The following CPED1 variants were observed in gnomAD, a reference collection of about 807,000 sequenced individuals.
The protein encoded by CPED1 is cadherin like and PC-esterase domain containing 1, also known as cadherin-like and PC-esterase domain-containing protein 1.
A neutral mutation model predicts 128.2 loss-of-function variants in CPED1; 114 were observed. That is an observed-to-expected ratio of 0.89 (90% confidence interval 0.76 to 1.04). The LOEUF (loss-of-function observed/expected upper bound fraction) is 1.04, where lower values mean the gene tolerates loss of function less well. Ranked by LOEUF, CPED1 falls within the 50% of genes least tolerant of loss-of-function variation. The pLI is 0.00. For missense variants in CPED1, 1,211 were observed against 1,207.1 expected (o/e 1.00, Z -0.05); for synonymous variants, 462 against 426.7 (o/e 1.08, Z -1.02).
At chr7:121,120,981 A>AC (rs1377938031) in intron 7 of CPED1, among the ~76,000 whole-genome samples, 9 of 150,452 alleles carry the variant, frequency 6.0e-5, no homozygotes, top group African/African-American at 1.9e-4. Context: ...AAAAAAAAAA[A>AC]AAAAAACAAA....
At position 121,000,142 on chromosome 7, in the gene CPED1, T is replaced by C. The variant is rs1365530174; in HGVS notation, c.249+10272T>C. 6.6e-5 allele frequency among the ~76,000 whole-genome samples: 10 copies of C among 152,134 alleles called. No homozygotes were observed. In the South Asian group the frequency reaches 1.9e-3, roughly 28 times the overall value. ...CTGTGGCCTTTTGGGGTGAAAGGAA[T>C]GTTTTGGTTTCGTTTTCCCCCTTGG... On this transcript the variant is annotated intron_variant, in intron 2 of 22. Transcript: ENST00000310396.
intron 3 of CPED1, among the ~76,000 whole-genome samples, chr7:121,016,965 G>T (rs942955809): frequency 6.6e-6 from 1 of 152,136 alleles, no homozygotes; most frequent in Admixed American, 6.6e-5. Context: ...TCAGTTAGGT[G>T]CCCCCTTGCT....
Position 121,271,541 on chromosome 7 carries a change from G to A in CPED1, c.2868+111G>A, listed in dbSNP as rs982585686. 1.7e-5 allele frequency: 18 copies of A among 1,083,094 alleles called. No individual in the cohort carries two copies. The African/African-American group carries it at 2.5e-4, about 15-fold the overall frequency. The allele number at this position is 1,083,094 out of a possible 1,614,324, so 67.1% of individuals were successfully genotyped here. A position where few individuals can be genotyped will look rare whatever the true frequency, so the allele number is the denominator to read the frequency against. ...TTGCATGAAACAAAAAACAATGTCA[G>A]GTGGAGATTAAATGATATATGTTCA... On this transcript the variant is annotated intron_variant, in intron 22 of 22. Coordinates refer to ENST00000310396, the MANE Select transcript of CPED1 (RefSeq NM_024913.5).
chr7:121,166,136 C>CA (rs59448852), intron 16 of CPED1, among the ~76,000 whole-genome samples: 4 of 150,658 alleles, frequency 2.7e-5, no homozygotes, highest in African/African-American at 7.4e-5. Flanking sequence ...CAAAAAAAAA[C>CA]AAAAAAAAAA....
At chr7:121,050,383 C>T (rs2116914934) in intron 4 of CPED1, 1 of 153,042 alleles carries the variant, frequency 6.5e-6, no homozygotes, top group South Asian at 2.1e-4. Context: ...TCCGCAAATG[C>T]ACATCAGGCT....
At chr7:121,169,573 A>C (rs1796605487) in intron 16 of CPED1, among the ~76,000 whole-genome samples, 1 of 152,224 alleles carries the variant, frequency 6.6e-6, no homozygotes, top group Non-Finnish European at 1.5e-5. Flanking sequence ...ACTGAAGAAT[A>C]TCATCAAATT....
chr7:121,265,800 C>T (rs1044169486), intron 18 of CPED1, among the ~76,000 whole-genome samples: 10 of 151,872 alleles, frequency 6.6e-5, no homozygotes, highest in African/African-American at 1.2e-4. Flanking sequence ...CAAGTAGACA[C>T]GACCTCTATT....
intron 16 of CPED1, among the ~76,000 whole-genome samples, chr7:121,154,020 T>C (rs2116410098): frequency 6.6e-6 from 1 of 152,302 alleles, no homozygotes; most frequent in South Asian, 2.1e-4. Flanking sequence ...CCTTACAGAC[T>C]ATACATGGTG....
At chr7:121,146,787 T>A (rs1311641827) in intron 16 of CPED1, among the ~76,000 whole-genome samples, 1 of 152,186 alleles carries the variant, frequency 6.6e-6, no homozygotes, top group Non-Finnish European at 1.5e-5. Flanking sequence ...TGTATATAAT[T>A]GTCCCAGAGA....
At chr7:121,165,088 A>G (rs1251356534) in intron 16 of CPED1, among the ~76,000 whole-genome samples, 1 of 152,174 alleles carries the variant, frequency 6.6e-6, no homozygotes, top group Non-Finnish European at 1.5e-5. Context: ...TTTTGCTAAC[A>G]TAAATTACTA....
intron 18 of CPED1, among the ~76,000 whole-genome samples, chr7:121,246,419 A>G (rs1798536220): frequency 6.6e-6 from 1 of 152,224 alleles, no homozygotes; most frequent in South Asian, 2.1e-4. Flanking sequence ...TCTGGAGGCT[A>G]CGGAGTCCTA....
intron 22 of CPED1, among the ~76,000 whole-genome samples, chr7:121,281,606 T>A (rs1401853221): frequency 6.6e-6 from 1 of 152,130 alleles, no homozygotes; most frequent in Admixed American, 6.6e-5. Flanking sequence ...AGCACAGAAT[T>A]TCAATTCTTG....
chr7:121,063,026 A>G (rs1793717774), intron 4 of CPED1: 1 of 152,210 alleles, frequency 6.6e-6, no homozygotes, highest in South Asian at 2.1e-4. Flanking sequence ...ATGAAAAAGG[A>G]CTAATAAACA....
chr7:121,106,051 G>A (rs1391811662), intron 7 of CPED1, among the ~76,000 whole-genome samples: 1 of 152,084 alleles, frequency 6.6e-6, no homozygotes, highest in Non-Finnish European at 1.5e-5. Context: ...CTGGCGCATG[G>A]CAGATGCTCA....
intron 5 of CPED1, among the ~76,000 whole-genome samples, chr7:121,087,814 C>T (rs1794471898): frequency 6.6e-6 from 1 of 151,974 alleles, no homozygotes. Context: ...CGCCCACCAC[C>T]ATGCCTGGCT....
chr7:121,178,858 T>C (rs1796839778), intron 16 of CPED1, among the ~76,000 whole-genome samples: 1 of 152,026 alleles, frequency 6.6e-6, no homozygotes, highest in Admixed American at 6.6e-5. Flanking sequence ...TGAAGGGGAA[T>C]GTTGAGACCG....
chr7:121,163,049 A>G (rs1796445996), intron 16 of CPED1, among the ~76,000 whole-genome samples: 2 of 152,222 alleles, frequency 1.3e-5, no homozygotes, highest in African/African-American at 4.8e-5. Flanking sequence ...AACAAAGAAC[A>G]AAGTCTACCT....
intron 5 of CPED1, among the ~76,000 whole-genome samples, chr7:121,087,972 A>AT (rs935446081): frequency 2.0e-5 from 3 of 151,970 alleles, no homozygotes; most frequent in Admixed American, 1.3e-4. Flanking sequence ...AGCTCACAAG[A>AT]TTTTTAAAGC....
At chr7:121,131,911 C>G (rs556570461) in intron 12 of CPED1, among the ~76,000 whole-genome samples, 22 of 150,440 alleles carry the variant, frequency 1.5e-4, no homozygotes, top group African/African-American at 5.1e-4. Flanking sequence ...GTATACTTTC[C>G]TTTCCATGTT....
Sources: gnomAD v4.1 joint callset for allele counts (sites outside exome capture counted in the v4.1 genomes callset) on GRCh38, gnomAD v4.1.1 for gene constraint, MANE v1.5 for transcripts, NCBI Gene and HGNC (gene_info 2026-07-23, HGNC 2026-07-21) for gene names.